The following FRMD4A variants were observed in gnomAD, a reference collection of about 807,000 sequenced individuals.
FRMD4A encodes FERM domain containing 4A.
In FRMD4A, 29 loss-of-function variants were observed where a neutral mutation model predicts 129.1. That is an observed-to-expected ratio of 0.22 (90% CI 0.17 to 0.31). The LOEUF is 0.31. FRMD4A is among the 10% of genes least tolerant of loss of function. The pLI, the probability that FRMD4A is intolerant of heterozygous loss-of-function variation, is 1.00. For missense variants in FRMD4A, 1,272 were observed against 1,375.8 expected, an observed-to-expected ratio of 0.92 and a Z score of 1.19; for synonymous variants, 634 against 571.6, an observed-to-expected ratio of 1.11 and a Z score of -1.56.
intron 2 of FRMD4A, among the ~76,000 whole-genome samples, chr10:14,190,976 G>A (rs1009325178): frequency 3.3e-5 from 5 of 152,200 alleles, no homozygotes; most frequent in Admixed American, 6.5e-5. Flanking sequence ...TGTGAGGTCA[G>A]CAAGCTGGTT....
chr10:13,804,714 C>CT (rs35111872), intron 4 of FRMD4A, among the ~76,000 whole-genome samples: 2,907 of 127,718 alleles, frequency 0.023, 62 homozygotes, highest in African/African-American at 0.041. Flanking sequence ...CCAGCTAATT[C>CT]TTTTTTTTTT....
At chr10:14,146,999 A>G (rs1266223643) in intron 2 of FRMD4A, among the ~76,000 whole-genome samples, 2 of 152,358 alleles carry the variant, frequency 1.3e-5, no homozygotes, top group South Asian at 4.1e-4. Flanking sequence ...GTAGATATGC[A>G]TGTCTTTAAG....
intron 2 of FRMD4A, among the ~76,000 whole-genome samples, chr10:14,200,932 G>T (rs1207315912): frequency 6.6e-6 from 1 of 152,186 alleles, no homozygotes; most frequent in East Asian, 1.9e-4. Context: ...CATTCTGGCT[G>T]GTCCTACCTG....
chr10:14,054,083 T>C (rs1007750842), intron 2 of FRMD4A, among the ~76,000 whole-genome samples: 2 of 152,058 alleles, frequency 1.3e-5, no homozygotes, highest in African/African-American at 4.8e-5. Flanking sequence ...GATGATTTCT[T>C]GAGCCAAGGA....
intron 2 of FRMD4A, among the ~76,000 whole-genome samples, chr10:14,223,904 T>C (rs979240887): frequency 2.0e-5 from 3 of 152,156 alleles, no homozygotes; most frequent in Non-Finnish European, 2.9e-5. Flanking sequence ...ATACTCCATT[T>C]CTCTACCCTC....
intron 2 of FRMD4A, among the ~76,000 whole-genome samples, chr10:14,265,601 A>G (rs959827562): frequency 6.6e-6 from 1 of 152,266 alleles, no homozygotes; most frequent in Non-Finnish European, 1.5e-5. Context: ...GAGGGTAGAA[A>G]AGCAAAACTG....
chr10:14,115,268 G>A (rs1282927279), intron 2 of FRMD4A, among the ~76,000 whole-genome samples: 1 of 152,202 alleles, frequency 6.6e-6, no homozygotes, highest in African/African-American at 2.4e-5. Context: ...GCACGCTGCA[G>A]GTATAGGCAA....
intron 2 of FRMD4A, among the ~76,000 whole-genome samples, chr10:13,882,313 A>G (rs1054636219): frequency 6.6e-6 from 1 of 152,202 alleles, no homozygotes; most frequent in Non-Finnish European, 1.5e-5. Flanking sequence ...GGCATTGGAG[A>G]AATTTGATTG....
chr10:13,853,389 T>C (rs755463609), intron 3 of FRMD4A, among the ~76,000 whole-genome samples: 4 of 152,032 alleles, frequency 2.6e-5, no homozygotes, highest in African/African-American at 4.8e-5. Context: ...TCTCTAAAAA[T>C]TTAAAAAATT....
chr10:13,736,486 T>C (rs2090636504), intron 12 of FRMD4A, among the ~76,000 whole-genome samples: 1 of 152,238 alleles, frequency 6.6e-6, no homozygotes, highest in South Asian at 2.1e-4. Context: ...CAGTCAATAA[T>C]TCCCCCATCA....
intron 2 of FRMD4A, among the ~76,000 whole-genome samples, chr10:13,872,317 ATGAAGCTC>A (rs2094447073): frequency 6.6e-6 from 1 of 152,198 alleles, no homozygotes; most frequent in Admixed American, 6.5e-5. Flanking sequence ...CCTTCACAAA[ATGAAGCTC>A]TGGGGGCACT....
intron 2 of FRMD4A, among the ~76,000 whole-genome samples, chr10:14,126,511 C>T (rs1181686555): frequency 2.0e-5 from 3 of 152,114 alleles, no homozygotes; most frequent in Non-Finnish European, 2.9e-5. Flanking sequence ...TCCAGTCCCT[C>T]CGCTTTCTCC....
intron 2 of FRMD4A, among the ~76,000 whole-genome samples, chr10:13,874,541 T>C (rs1287199521): frequency 6.6e-6 from 1 of 152,012 alleles, no homozygotes; most frequent in Non-Finnish European, 1.5e-5. Flanking sequence ...TAAGCAAAAG[T>C]AAAAAGTTAA....
chr10:13,975,447 T>C (rs2095538910), intron 2 of FRMD4A, among the ~76,000 whole-genome samples: 1 of 151,932 alleles, frequency 6.6e-6, no homozygotes, highest in South Asian at 2.1e-4. Flanking sequence ...CTCATGTCTA[T>C]TCGTGTGTCT....
rs191299574 is a variant in FRMD4A, at chr10:13,704,876, G to C, written c.836+2161C>G. Among the ~76,000 whole-genome samples the C allele has an allele frequency of 1.6e-3, 235 of 151,224 alleles. 1 individual carries two copies. Among genetic ancestry groups the C allele is most frequent in the African/African-American group, 5.5e-3 (226 of 41,154 alleles). On this transcript the variant is annotated intron_variant, in intron 13 of 24. Transcript: ENST00000357447. The stretch of plus-strand genomic sequence containing the variant: ...GCTTGAGCTTGGGAATTTGAGACCA[G>C]CCTGGGCAACACTGTGAGACCCAGT...
rs12572760 is a variant in FRMD4A, at chr10:13,955,664, G to A, written c.46-96752C>T. The stretch of plus-strand genomic sequence containing the variant: ...AAAACACATTGTAATACCAGAAGTG[G>A]CGCCTGATGGCAAGCTTATTTGCCA... On this transcript the variant is annotated intron_variant, in intron 2 of 24. Transcript: ENST00000357447. Among the ~76,000 whole-genome samples, 267 of 152,328 alleles carry A rather than the reference G, an allele frequency of 1.8e-3. 3 individuals are homozygous for A. In the East Asian group the frequency reaches 0.044, roughly 25 times the overall value.
intron 2 of FRMD4A, among the ~76,000 whole-genome samples, chr10:14,167,776 G>T (rs1166511743): frequency 2.0e-5 from 3 of 152,098 alleles, no homozygotes; most frequent in African/African-American, 7.2e-5. Flanking sequence ...CTTAGAGTCA[G>T]CAGGGTAGAC....
intron 8 of FRMD4A, among the ~76,000 whole-genome samples, chr10:13,749,149 C>T (rs2091441526): frequency 6.6e-6 from 1 of 152,158 alleles, no homozygotes; most frequent in Admixed American, 6.5e-5. Context: ...AAGAGCGTTT[C>T]CCTATCCTGG....
chr10:13,833,305 T>C (rs1236336326), intron 3 of FRMD4A, among the ~76,000 whole-genome samples: 1 of 152,220 alleles, frequency 6.6e-6, no homozygotes, highest in Non-Finnish European at 1.5e-5. Context: ...AGAGAGCTTG[T>C]GCAGGGGAAC....
Sources: allele counts gnomAD v4.1 joint callset (sites outside exome capture counted in the v4.1 genomes callset), GRCh38; gene constraint gnomAD v4.1.1; transcripts MANE v1.5; gene names NCBI Gene and HGNC (gene_info 2026-07-23, HGNC 2026-07-21).